Variants in NOX4 observed in about 807,000 individuals in gnomAD.
NOX4 encodes kidney oxidase-1.
Under a neutral mutation model 87.6 loss-of-function variants are expected in NOX4, and 69 were observed. The observed-to-expected ratio is 0.79, with a 90% CI of 0.65 to 0.96. The LOEUF is 0.96. NOX4 is among the 40% of genes least tolerant of loss of function. NOX4 has a pLI of 0.00. For synonymous variants in NOX4, 275 were observed against 238.2 expected (o/e 1.15, Z -1.42); for missense variants, 680 against 681.5 (o/e 1.00, Z 0.02).
At chr11:89,449,330 G>T in intron 4 of NOX4, 110 bp downstream of exon 4, 1 of 719,744 alleles carries the variant, frequency 1.4e-6, no homozygotes, top group Non-Finnish European at 2.2e-6. Flanking sequence ...GGTTGTTCTG[G>T]AAGAATAAGA....
chr11:89,579,393 T>G, the NOX4 span, among the ~76,000 whole-genome samples: 1 of 152,124 alleles, frequency 6.6e-6, no homozygotes, highest in East Asian at 1.9e-4. Context: ...GGGGAGGTTA[T>G]GCATGTGTGG....
chr11:89,542,238 G>C, the NOX4 span, among the ~76,000 whole-genome samples: 1 of 152,252 alleles, frequency 6.6e-6, no homozygotes, highest in East Asian at 1.9e-4. Flanking sequence ...GATTGATTCT[G>C]CTTCCTAATT....
At chr11:89,512,617 C>A in the NOX4 span, among the ~76,000 whole-genome samples, 46 of 152,238 alleles carry the variant, frequency 3.0e-4, 2 homozygotes, top group East Asian at 7.9e-3. Context: ...TTCTTTTAGG[C>A]TGAGTAATAT....
intron 13 of NOX4, among the ~76,000 whole-genome samples, chr11:89,346,005 T>C (rs1365148952): frequency 6.6e-6 from 1 of 152,158 alleles, no homozygotes; most frequent in African/African-American, 2.4e-5. Flanking sequence ...AGTCATACTA[T>C]CTCTCTTTGC....
intron 4 of NOX4, among the ~76,000 whole-genome samples, chr11:89,446,538 T>C (rs1444097034): frequency 1.3e-5 from 2 of 151,440 alleles, no homozygotes; most frequent in Admixed American, 6.6e-5. Context: ...TTTACCACTA[T>C]AAAAAGATGA....
rs372460537 is a variant in NOX4, at chr11:89,325,115, C to G, written c.*1641G>C. ...ACTAAACTGTATGAATGCTTTAATT[C>G]TTTTTTTTTTTTTTTTTTTTTTTTT... On this transcript the variant is annotated 3_prime_UTR_variant, in exon 18 of 18. Coordinates refer to ENST00000263317, the MANE Select transcript of NOX4 (RefSeq NM_016931.5). 1 of 76,332 alleles carries G rather than the reference C, an allele frequency of 1.3e-5. No homozygotes were observed. The highest frequency in any genetic ancestry group is 2.4e-5 in the Non-Finnish European group (1 of 42,162). 4.7% of individuals were successfully genotyped at this position (76,332 alleles called of 1,614,324 possible).
the NOX4 span, among the ~76,000 whole-genome samples, chr11:89,511,104 A>G: frequency 6.6e-6 from 1 of 152,028 alleles, no homozygotes; most frequent in Admixed American, 6.6e-5. Flanking sequence ...AATTTTAAAA[A>G]TTTATTTAAT....
At chr11:89,376,231 T>C (rs1939826536) in intron 11 of NOX4, among the ~76,000 whole-genome samples, 2 of 152,194 alleles carry the variant, frequency 1.3e-5, no homozygotes. Context: ...AGACAGACTT[T>C]AACAGTCTTT....
chr11:89,553,697 G>T, the NOX4 span, among the ~76,000 whole-genome samples: 7 of 152,068 alleles, frequency 4.6e-5, no homozygotes, highest in East Asian at 1.2e-3. Flanking sequence ...TGCAAAGACA[G>T]AAAGAAATTT....
chr11:89,377,756 ATG>A (rs755485793), intron 11 of NOX4, among the ~76,000 whole-genome samples: 1 of 152,176 alleles, frequency 6.6e-6, no homozygotes, highest in Non-Finnish European at 1.5e-5. Flanking sequence ...CAAAAACTAA[ATG>A]TGTTAAACCT....
At chr11:89,481,846 C>T (rs2135472849) in intron 2 of NOX4, among the ~76,000 whole-genome samples, 1 of 152,150 alleles carries the variant, frequency 6.6e-6, no homozygotes, top group South Asian at 2.1e-4. Context: ...CCAGGCTGAG[C>T]ATTGCCCAGA....
At chr11:89,470,855 A>G (rs1945903514) in intron 2 of NOX4, among the ~76,000 whole-genome samples, 2 of 152,178 alleles carry the variant, frequency 1.3e-5, no homozygotes, top group South Asian at 4.1e-4. Context: ...TATGAAGATT[A>G]GCTAACCCAA....
At chr11:89,483,242 T>C (rs1006624980) in intron 2 of NOX4, among the ~76,000 whole-genome samples, 2 of 152,116 alleles carry the variant, frequency 1.3e-5, no homozygotes, top group Admixed American at 6.6e-5. Flanking sequence ...GGTTGAGCCA[T>C]ATAAAATGGC....
rs1323729017 is a variant in NOX4, at chr11:89,348,341, G to T, written c.1218-6148C>A. Reference sequence around the variant, plus strand: ...GAGGCACGAAAACTTCTTGAATCTGGGAGGCAGAAGCTGCAGTGAGCAGAG... The same window carrying T: ...GAGGCACGAAAACTTCTTGAATCTGTGAGGCAGAAGCTGCAGTGAGCAGAG... On this transcript the variant is annotated intron_variant, in intron 13 of 17. Transcript: ENST00000263317. Among the ~76,000 whole-genome samples the T allele has an allele frequency of 2.6e-5, 4 of 152,086 alleles. No homozygotes were observed. The East Asian group carries it at 7.7e-4, about 29-fold the overall frequency.
Position 89,432,768 on chromosome 11 carries a change from T to G in NOX4, c.548+16A>C, listed in dbSNP as rs777234656. On this transcript the variant is annotated intron_variant, in intron 7 of 17. Transcript: ENST00000263317. The stretch of plus-strand genomic sequence containing the variant: ...CCTGACAGATACACATCAAAATAAT[T>G]GATTCTGACACTTACCTTATTGCAT... 1 of 1,573,824 alleles carries G rather than the reference T, an allele frequency of 6.4e-7. No homozygotes were observed. The highest frequency in any genetic ancestry group is 8.7e-7 in the Non-Finnish European group (1 of 1,144,920).
the NOX4 span, among the ~76,000 whole-genome samples, chr11:89,505,929 A>G: frequency 6.6e-6 from 1 of 151,888 alleles, no homozygotes; most frequent in East Asian, 1.9e-4. Context: ...AAGAATAGTG[A>G]TCCCTGAAAA....
At chr11:89,398,651 C>A (rs1222864336) in intron 11 of NOX4, among the ~76,000 whole-genome samples, 2 of 150,618 alleles carry the variant, frequency 1.3e-5, no homozygotes, top group African/African-American at 4.9e-5. Flanking sequence ...TTACAACATG[C>A]TTTACAACAT....
the NOX4 span, among the ~76,000 whole-genome samples, chr11:89,529,912 T>C: frequency 6.6e-6 from 1 of 152,124 alleles, no homozygotes; most frequent in South Asian, 2.1e-4. Context: ...CCCATTTCAC[T>C]CAATTTTGAA....
chr11:89,388,440 G>A (rs1156294846), intron 11 of NOX4, among the ~76,000 whole-genome samples: 2 of 152,042 alleles, frequency 1.3e-5, no homozygotes, highest in African/African-American at 4.8e-5. Flanking sequence ...ACAAAGATTT[G>A]GCCCCCTGAC....
Sources: allele counts gnomAD v4.1 joint callset (sites outside exome capture counted in the v4.1 genomes callset), GRCh38; gene constraint gnomAD v4.1.1; transcripts MANE v1.5; gene names NCBI Gene and HGNC (gene_info 2026-07-23, HGNC 2026-07-21).